Variants in LIG3 observed in about 807,000 individuals in gnomAD.
LIG3 encodes DNA ligase 3, also known as ligase II, DNA, ATP-dependent.
A neutral mutation model predicts 110.9 loss-of-function variants in LIG3; 58 were observed. The ratio of observed to expected loss-of-function variants is 0.52; its 90% CI spans 0.42 to 0.65. The LOEUF (loss-of-function observed/expected upper bound fraction) is 0.65. Among genes scored for constraint, LIG3 ranks in the 30% least tolerant of loss-of-function variants. The pLI is 0.00. For synonymous variants in LIG3, 422 were observed against 472.8 expected, an observed-to-expected ratio of 0.89 and a Z score of 1.39; for missense variants, 1,094 against 1,273.8, an observed-to-expected ratio of 0.86 and a Z score of 2.15.
rs965819667 is a variant in LIG3, at chr17:35,009,696, A to T, written c.*5190A>T. 6.6e-6 allele frequency: 1 copy of T among 152,200 alleles called. No individual in the cohort carries two copies. The highest frequency in any genetic ancestry group is 6.5e-5 in the Admixed American group (1 of 15,284). 9.4% of individuals were successfully genotyped at this position (152,200 alleles called of 1,614,324 possible). On this transcript the variant is annotated 3_prime_UTR_variant, in exon 20 of 20. Coordinates refer to ENST00000378526, the MANE Select transcript of LIG3 (RefSeq NM_013975.4). The stretch of plus-strand genomic sequence containing the variant: ...AAATGAGTAAACAACCTCAGTTTTA[A>T]TTCTTACTGAGGTTACTAACCAGCT...
intron 8 of LIG3, among the ~76,000 whole-genome samples, chr17:34,993,209 G>A (rs1012709174): frequency 3.9e-5 from 6 of 152,198 alleles, no homozygotes; most frequent in African/African-American, 1.2e-4. Flanking sequence ...TGCTCATTTC[G>A]TAAGAAATGG....
rs1267192628 is a variant in LIG3 at position 35,008,894 on chromosome 17, G to T, written c.*4388G>T. 6.6e-6 allele frequency: 1 copy of T among 152,266 alleles called. No individual in the cohort carries two copies. The highest frequency in any genetic ancestry group is 1.5e-5 in the Non-Finnish European group (1 of 68,108). The allele number at this position is 152,266 out of a possible 1,614,324, so 9.4% of individuals were successfully genotyped here. A position where few individuals can be genotyped will look rare whatever the true frequency, so the allele number is the denominator to read the frequency against. ...GATCTGCCCGCCTCAGCCTCCCAAA[G>T]TGCTGGGATTACAGGCGTGAGCCAC... On this transcript the variant is annotated 3_prime_UTR_variant, in exon 20 of 20. Coordinates refer to ENST00000378526, the MANE Select transcript of LIG3 (RefSeq NM_013975.4).
chr17:34,995,303 A>G (rs3135998), intron 9 of LIG3, among the ~76,000 whole-genome samples: 107,732 of 152,120 alleles, frequency 0.71, 39,531 homozygotes, highest in African/African-American at 0.92. Flanking sequence ...TGGAGCTTTA[A>G]TGCAGGTTCA....
rs762609900 is a variant in LIG3, at chr17:34,999,465, G to A, written c.2256+16G>A. On this transcript the variant is annotated intron_variant, in intron 15 of 19. Transcript: ENST00000378526. ...GATCAGCAAGGTGAGGAAGGGACCTGGTTGGCCATGGCCTCTGGACTGGCC... is the reference window on the plus strand; with the variant it reads ...GATCAGCAAGGTGAGGAAGGGACCTAGTTGGCCATGGCCTCTGGACTGGCC... 1.2e-6 allele frequency: 2 copies of A among 1,612,144 alleles called. No individual in the cohort carries two copies. The highest frequency in any genetic ancestry group is 1.7e-6 in the Non-Finnish European group (2 of 1,178,884).
At chr17:34,991,345 T>C in intron 5 of LIG3, 1 of 575,772 alleles carries the variant, frequency 1.7e-6, no homozygotes, top group East Asian at 2.9e-5. Context: ...AAGGCCTGGT[T>C]CTCAAAAGGC....
At chr17:34,990,155 C>T (rs2090702687) in intron 4 of LIG3, among the ~76,000 whole-genome samples, 1 of 152,224 alleles carries the variant, frequency 6.6e-6, no homozygotes, top group Non-Finnish European at 1.5e-5. Flanking sequence ...AAAGGTGAGG[C>T]AGACACAATC....
intron 16 of LIG3, among the ~76,000 whole-genome samples, chr17:35,001,008 G>A (rs1336040561): frequency 1.3e-5 from 2 of 152,014 alleles, no homozygotes; most frequent in Non-Finnish European, 1.5e-5. Flanking sequence ...GGGTTCAAGC[G>A]ATTCTCATAC....
In LIG3 at chr17:35,009,301, C is replaced by T. The variant is rs1166076938; in HGVS notation, c.*4795C>T. 1 of 152,388 alleles carries T rather than the reference C, an allele frequency of 6.6e-6. No homozygotes were observed. The highest frequency in any genetic ancestry group is 2.4e-5 in the African/African-American group (1 of 41,448). 9.4% of individuals were successfully genotyped at this position (152,388 alleles called of 1,614,324 possible). On this transcript the variant is annotated 3_prime_UTR_variant, in exon 20 of 20. Transcript: ENST00000378526. Reference sequence around the variant, plus strand: ...TGTATATTGAGCACTAGTTCCTGTACAGCTTATTCTTATTAGTTTGGATCC... The same window carrying T: ...TGTATATTGAGCACTAGTTCCTGTATAGCTTATTCTTATTAGTTTGGATCC...
chr17:34,991,190 T>A, intron 5 of LIG3, 76 bp downstream of exon 5: 1 of 1,436,646 alleles, frequency 7.0e-7, no homozygotes. Context: ...AGCCTCTTTT[T>A]TTTTTTCTGG....
chr17:34,986,089 T>C lies in LIG3; in HGVS notation c.649T>C (p.Phe217Leu). 6.2e-7 allele frequency: 1 copy of C among 1,614,188 alleles called. No homozygotes were observed. The highest frequency in any genetic ancestry group is 8.5e-7 in the Non-Finnish European group (1 of 1,180,020). ...QVTSPVKGASFVTSTNPRKFS... is the reference protein window; with the variant it reads ...QVTSPVKGASLVTSTNPRKFS... The stretch of plus-strand genomic sequence containing the variant: ...GACTTCTCCAGTGAAAGGCGCCTCA[T>C]TTGTCACCAGTACCAATCCCCGGAA... The change falls in exon 3 of 20, where the codon TTT (phenylalanine) becomes CTT (leucine). Residue 217 changes from phenylalanine to leucine, a missense_variant. Coordinates refer to ENST00000378526, the MANE Select transcript of LIG3 (RefSeq NM_013975.4).
chr17:34,989,952 T>C (rs1464352200), intron 4 of LIG3: 14 of 388,088 alleles, frequency 3.6e-5, no homozygotes, highest in South Asian at 2.3e-4. Flanking sequence ...CCTATTTGAC[T>C]AGTTAGAAAA....
rs533670395 is a variant in LIG3 at position 35,007,827 on chromosome 17, G to A, written c.*3321G>A. ...GCTCACTGCAACCTCTGCTTCCCGG[G>A]TTCACAAGCAATTCTCATGCCTCAG... On this transcript the variant is annotated 3_prime_UTR_variant, in exon 20 of 20. Coordinates refer to ENST00000378526, the MANE Select transcript of LIG3 (RefSeq NM_013975.4). 3.9e-5 allele frequency: 6 copies of A among 151,976 alleles called. No homozygotes were observed. The highest frequency in any genetic ancestry group is 5.9e-5 in the Non-Finnish European group (4 of 68,044). The allele number at this position is 151,976 out of a possible 1,614,324, so 9.4% of individuals were successfully genotyped here. A position where few individuals can be genotyped will look rare whatever the true frequency, so the allele number is the denominator to read the frequency against.
chr17:34,983,632 T>G, intron 2 of LIG3, 80 bp downstream of exon 2: 1 of 1,317,530 alleles, frequency 7.6e-7, no homozygotes, highest in Non-Finnish European at 1.0e-6. Context: ...TTTCTTTCTC[T>G]TTTTTTTAAC....
intron 2 of LIG3, 61 bp from the exon 3 acceptor site, chr17:34,985,927 G>C: frequency 6.5e-7 from 1 of 1,549,114 alleles, no homozygotes; most frequent in Non-Finnish European, 8.9e-7. Flanking sequence ...TAGATTCTTT[G>C]GATGTTTTTT....
At chr17:34,981,952 T>G (rs947790760) in intron 1 of LIG3, among the ~76,000 whole-genome samples, 3 of 152,218 alleles carry the variant, frequency 2.0e-5, no homozygotes, top group Non-Finnish European at 4.4e-5. Context: ...ATAAACAGGT[T>G]AATTGCACAT....
intron 4 of LIG3, among the ~76,000 whole-genome samples, 200 bp from the exon 5 acceptor site, chr17:34,990,763 A>T (rs1484351384): frequency 6.6e-6 from 1 of 152,112 alleles, no homozygotes; most frequent in Non-Finnish European, 1.5e-5. Flanking sequence ...ATGTCCAGCT[A>T]ATTTTTTAAT....
Position 34,991,799 on chromosome 17 carries a change from G to T in LIG3, c.1170G>T (p.Glu390Asp), listed in dbSNP as rs1202657275. The T allele has an allele frequency of 6.2e-7, 1 of 1,614,026 alleles. No individual in the cohort carries two copies. The highest frequency in any genetic ancestry group is 2.2e-5 in the East Asian group (1 of 44,882). The change falls in exon 6 of 20, where the codon GAG becomes GAT. Residue 390 changes from glutamate (E) to aspartate (D), a missense_variant. Coordinates refer to ENST00000378526, the MANE Select transcript of LIG3 (RefSeq NM_013975.4). ...FLLRLSKLTK[E>D]DEQQQALQDI... ...TGCGGCTGTCCAAGCTCACCAAGGAGGATGAGCAGCAACAGGCCCTACAGG... is the reference window on the plus strand; with the variant it reads ...TGCGGCTGTCCAAGCTCACCAAGGATGATGAGCAGCAACAGGCCCTACAGG...
intron 5 of LIG3, 106 bp downstream of exon 5, chr17:34,991,220 AGG>A: frequency 9.0e-7 from 1 of 1,109,778 alleles, no homozygotes; most frequent in Non-Finnish European, 1.3e-6. Flanking sequence ...ATACTGTTTT[AGG>A]AAACTGAAAC....
chr17:34,995,815 T>G (rs116027368), intron 9 of LIG3, among the ~76,000 whole-genome samples: 330 of 152,314 alleles, frequency 2.2e-3, no homozygotes, highest in African/African-American at 7.7e-3. Context: ...TTGTACCTTC[T>G]CTACAGCCCA....
Sources: allele counts gnomAD v4.1 joint callset (sites outside exome capture counted in the v4.1 genomes callset), GRCh38; gene constraint gnomAD v4.1.1; transcripts MANE v1.5; gene names NCBI Gene and HGNC (gene_info 2026-07-23, HGNC 2026-07-21).